Variants in OTOGL observed in about 807,000 individuals in gnomAD.
OTOGL encodes the protein otogelin-like protein.
A neutral mutation model predicts 318.5 loss-of-function variants in OTOGL; 285 were observed. The observed-to-expected ratio is 0.89, with a 90% CI of 0.81 to 0.99. OTOGL has a LOEUF of 0.99. Ranked by LOEUF, OTOGL falls within the 50% of genes least tolerant of loss-of-function variation. OTOGL has a pLI of 0.00. For missense variants in OTOGL, 2,899 were observed against 2,845.6 expected, an observed-to-expected ratio of 1.02 and a Z score of -0.43; for synonymous variants, 987 against 936.5, an observed-to-expected ratio of 1.05 and a Z score of -0.99.
At chr12:80,202,366 G>A (rs1876518256) in intron 1 of OTOGL, among the ~76,000 whole-genome samples, 2 of 150,846 alleles carry the variant, frequency 1.3e-5, no homozygotes, top group Admixed American at 1.3e-4. Context: ...CACCTCCCAG[G>A]TTCAAGCAAT....
At position 80,343,526 on chromosome 12, in the gene OTOGL, T is replaced by TTTTTTTTTTTTTTTTTTC. The variant is rs1555301044; in HGVS notation, c.5265+1374_5265+1375insTTTTTTTCTTTTTTTTTT. On this transcript the variant is annotated intron_variant, in intron 44 of 58. Transcript: ENST00000547103. ...TTATTCTTGTTTTTTTTTTTTTTTT[T>TTTTTTTTTTTTTTTTTTC]TTTTTTTTTTAACTTTCTTTTCCTG... 45 of 118,154 alleles carry TTTTTTTTTTTTTTTTTTC rather than the reference T, an allele frequency of 3.8e-4. 2 individuals carry two copies. The highest frequency in any genetic ancestry group is 2.0e-3 in the African/African-American group (43 of 21,868). The allele number at this position is 118,154 out of a possible 1,614,324, so 7.3% of individuals were successfully genotyped here. A position where few individuals can be genotyped will look rare whatever the true frequency, so the allele number is the denominator to read the frequency against.
intron 1 of OTOGL, among the ~76,000 whole-genome samples, chr12:80,149,264 C>T (rs1872610526): frequency 6.6e-6 from 1 of 151,886 alleles, no homozygotes; most frequent in African/African-American, 2.4e-5. Context: ...GTTAGTTTTC[C>T]TTCTAACAGA....
chr12:80,341,555 G>A (rs1364069002), intron 43 of OTOGL, among the ~76,000 whole-genome samples: 80 of 152,276 alleles, frequency 5.3e-4, no homozygotes, highest in Admixed American at 5.1e-3. Flanking sequence ...GGAAGTGGAA[G>A]CCTGGGAGCC....
rs1346923882 is a variant in OTOGL, at chr12:80,222,228, C to G, written c.472C>G (p.Pro158Ala). 6.3e-7 allele frequency: 1 copy of G among 1,596,098 alleles called. No homozygotes were observed. Among genetic ancestry groups the G allele is most frequent in the Non-Finnish European group, 8.5e-7 (1 of 1,177,108 alleles). The change falls in exon 7 of 59, where the codon CCT becomes GCT. Residue 158 changes from proline to alanine, a missense_variant. By Grantham distance (27) the Pro-to-Ala change is conservative. Coordinates refer to ENST00000547103, the MANE Select transcript of OTOGL (RefSeq NM_001378609.3). ...TGCAAAGGACTGTGGTGATTTGGAG[C>G]CTCGGTACACTGTATGGGTAGGTGA... The part of the protein sequence containing the change: ...IFAKDCGDLE[P>A]RYTVWVHNSP...
intron 16 of OTOGL, among the ~76,000 whole-genome samples, chr12:80,256,030 C>T (rs1882004652): frequency 6.6e-6 from 1 of 151,926 alleles, no homozygotes; most frequent in East Asian, 1.9e-4. Context: ...TGGTACTTTA[C>T]TGAAAGACTT....
chr12:80,238,946 A>G lies in OTOGL; in HGVS notation c.913A>G (p.Asn305Asp), dbSNP rs1880115785. The G allele has an allele frequency of 6.3e-7, 1 of 1,597,476 alleles. No individual in the cohort carries two copies. The highest frequency in any genetic ancestry group is 8.5e-7 in the Non-Finnish European group (1 of 1,179,042). ...KCVLTPSDFP[N>D]PCSSGMPAFE... ...TGTACTCACACCCTCAGATTTTCCA[A>G]ATCCGTGCTCCAGTGGAATGCCAGC... Residue 305 changes from asparagine (N) to aspartate (D), a missense_variant, in exon 10 of 59, where the codon AAT (asparagine) becomes GAT (aspartate). Around this residue, in one of 3 missense-constraint regions of OTOGL, gnomAD observed 2,607 missense variants for 2,524.9 expected, o/e 1.03. Transcript: ENST00000547103.
chr12:80,114,363 C>T (rs945200969), intron 1 of OTOGL, among the ~76,000 whole-genome samples: 4 of 152,138 alleles, frequency 2.6e-5, no homozygotes, highest in Admixed American at 2.0e-4. Context: ...ATTTCTTCTT[C>T]TCTTATGAAG....
chr12:80,284,314 T>C (rs574274726), intron 26 of OTOGL, among the ~76,000 whole-genome samples: 4 of 152,276 alleles, frequency 2.6e-5, no homozygotes, highest in African/African-American at 4.8e-5. Flanking sequence ...GTCTTTTCTA[T>C]TGTGAATAGT....
At chr12:80,352,499 T>C in intron 45 of OTOGL, 63 bp downstream of exon 45, 1 of 1,310,522 alleles carries the variant, frequency 7.6e-7, no homozygotes, top group South Asian at 1.7e-5. Flanking sequence ...CAATCACTTC[T>C]TTCCTTCTTT....
intron 32 of OTOGL, among the ~76,000 whole-genome samples, chr12:80,315,287 C>T (rs770707741): frequency 6.6e-6 from 1 of 152,082 alleles, no homozygotes; most frequent in African/African-American, 2.4e-5. Context: ...AAAAGTCATT[C>T]TTACATATTA....
chr12:80,183,993 T>C (rs1875110987), intron 1 of OTOGL, among the ~76,000 whole-genome samples: 1 of 152,218 alleles, frequency 6.6e-6, no homozygotes, highest in South Asian at 2.1e-4. Context: ...GTGATTATTA[T>C]GTATATTAGA....
At position 80,320,453 on chromosome 12, in the gene OTOGL, A is replaced by C; in HGVS notation, c.3834A>C (p.Glu1278Asp). 6.2e-7 allele frequency: 1 copy of C among 1,613,254 alleles called. No individual in the cohort carries two copies. Among genetic ancestry groups the C allele is most frequent in the African/African-American group, 1.3e-5 (1 of 74,996 alleles). Residue 1278 changes from glutamate to aspartate, a missense_variant, in exon 34 of 59, where the codon GAA (glutamate) becomes GAC (aspartate). Transcript: ENST00000547103. ...CACTTGTTTCCTTGGAATCTGCTGA[A>C]AGGCCAAACTACTTTCTCTATGTCC... ...SLALVSLESAERPNYFLYVHD... is the reference protein window; with the variant it reads ...SLALVSLESADRPNYFLYVHD...
chr12:80,288,267 G>T (rs1372395551), intron 26 of OTOGL, among the ~76,000 whole-genome samples: 1 of 152,132 alleles, frequency 6.6e-6, no homozygotes, highest in Non-Finnish European at 1.5e-5. Flanking sequence ...AGGAAGATCT[G>T]CTGTTATTCT....
At chr12:80,279,602 C>G (rs1884065937) in intron 26 of OTOGL, among the ~76,000 whole-genome samples, 1 of 148,172 alleles carries the variant, frequency 6.7e-6, no homozygotes, top group South Asian at 2.6e-4. Flanking sequence ...CCAGCTGCAT[C>G]CATGTTGCTG....
At chr12:80,313,803 C>G (rs1258408251) in intron 31 of OTOGL, among the ~76,000 whole-genome samples, 171 bp downstream of exon 31, 1 of 151,990 alleles carries the variant, frequency 6.6e-6, no homozygotes, top group Non-Finnish European at 1.5e-5. Flanking sequence ...ACCGAAAGGA[C>G]TTATAAAAAT....
intron 1 of OTOGL, among the ~76,000 whole-genome samples, chr12:80,125,234 G>C (rs968795991): frequency 9.2e-5 from 14 of 152,206 alleles, no homozygotes; most frequent in Admixed American, 9.2e-4. Flanking sequence ...TTTATTGAGA[G>C]TTTTTAGCAT....
intron 25 of OTOGL, 117 bp from the exon 26 acceptor site, chr12:80,278,911 G>A (rs943882414): frequency 3.5e-5 from 41 of 1,171,326 alleles, no homozygotes; most frequent in Non-Finnish European, 4.5e-5. Flanking sequence ...GGCAATATTC[G>A]TAAGGGATAT....
chr12:80,205,153 A>G (rs2137294095), intron 1 of OTOGL, among the ~76,000 whole-genome samples: 1 of 152,326 alleles, frequency 6.6e-6, no homozygotes, highest in South Asian at 2.1e-4. Flanking sequence ...AGCATGAGAA[A>G]CCAACTTTAT....
At chr12:80,357,436 C>T (rs1362710254) in intron 49 of OTOGL, among the ~76,000 whole-genome samples, 1 of 151,626 alleles carries the variant, frequency 6.6e-6, no homozygotes, top group Non-Finnish European at 1.5e-5. Context: ...ATCATTATAT[C>T]CAAGATTGCT....
Sources: gnomAD v4.1 joint callset for allele counts (sites outside exome capture counted in the v4.1 genomes callset) on GRCh38, gnomAD v4.1.1 for gene constraint, gnomAD v4.1.1 regional missense constraint, MANE v1.5 for transcripts, NCBI Gene and HGNC (gene_info 2026-07-23, HGNC 2026-07-21) for gene names.